ADCY3: variants seen among roughly 807,000 people sequenced by gnomAD.
ADCY3 encodes adenylate cyclase 3.
Under a neutral mutation model 119.4 loss-of-function variants are expected in ADCY3, and 70 were observed. The observed-to-expected ratio is 0.59, with a 90% confidence interval of 0.48 to 0.72. The LOEUF (loss-of-function observed/expected upper bound fraction) is 0.72, where lower values mean the gene tolerates loss of function less well. Among genes scored for constraint, ADCY3 ranks in the 30% least tolerant of loss-of-function variants. The pLI, the probability that ADCY3 is intolerant of heterozygous loss-of-function variation, is 0.00. For synonymous variants in ADCY3, 672 were observed against 621.4 expected, an observed-to-expected ratio of 1.08 and a Z score of -1.21; for missense variants, 1,238 against 1,541.6, an observed-to-expected ratio of 0.80 and a Z score of 3.30.
intron 7 of ADCY3, chr2:24,838,870 A>T (rs773522398): frequency 3.1e-6 from 5 of 1,599,222 alleles, no homozygotes; most frequent in Non-Finnish European, 8.5e-7. Context: ...TCAGTGTTGG[A>T]GCCACGACAC....
intron 6 of ADCY3, chr2:24,840,664 C>A: frequency 2.5e-6 from 1 of 392,422 alleles, no homozygotes. Context: ...CACCCCGGGT[C>A]CCGCAGAGGC....
intron 7 of ADCY3, among the ~76,000 whole-genome samples, chr2:24,839,209 T>C (rs1670702400): frequency 6.6e-6 from 1 of 152,194 alleles, no homozygotes; most frequent in South Asian, 2.1e-4. Context: ...CCCAAAGTGC[T>C]GGGATTACAG....
In ADCY3 at chr2:24,834,827, T is replaced by C. The variant is rs369693151; in HGVS notation, c.1772A>G (p.Asn591Ser). 6.8e-6 allele frequency: 11 copies of C among 1,613,952 alleles called. No homozygotes were observed. The highest frequency in any genetic ancestry group is 5.0e-5 in the Admixed American group (3 of 60,032). The part of the protein sequence containing the change: ...EDEHELNQLL[N>S]EALLERESAQ... ...GGACTCTCGCTCAAGCAGGGCCTCG[T>C]TGAGCAGCTGGTTGAGCTCGTGCTC... Residue 591 changes from asparagine to serine, a missense_variant, in exon 10 of 22, where the codon AAC becomes AGC. Physicochemically the swap from Asn to Ser is conservative, Grantham distance 46. Around this residue, in one of 7 missense-constraint regions of ADCY3, gnomAD observed 499 missense variants for 571.0 expected, o/e 0.87. Transcript: ENST00000679454. The surrounding 1 kb of genome is among the most constrained non-coding windows in gnomAD (Gnocchi z 4.2).
rs561698610 is a variant in ADCY3 at position 24,876,703 on chromosome 2, C to T, written c.676-3984G>A. Reference sequence around the variant, plus strand: ...GATGCTGGGTAAGCAGGGCAGCTGCCGTTCCTCTAAAATGCATCCATCAGG... The same window carrying T: ...GATGCTGGGTAAGCAGGGCAGCTGCTGTTCCTCTAAAATGCATCCATCAGG... On this transcript the variant is annotated intron_variant, in intron 2 of 21. Transcript: ENST00000679454. Among the ~76,000 whole-genome samples the T allele has an allele frequency of 5.9e-5, 9 of 152,250 alleles. No individual in the cohort carries two copies. In the South Asian group the frequency reaches 1.7e-3, roughly 28 times the overall value.
chr2:24,834,305 G>A lies in ADCY3; in HGVS notation c.1967+180C>T, dbSNP rs980898399. Among the ~76,000 whole-genome samples, 1 of 152,222 alleles carries A rather than the reference G, an allele frequency of 6.6e-6. No homozygotes were observed. Among genetic ancestry groups the A allele is most frequent in the African/African-American group, 2.4e-5 (1 of 41,464 alleles). ...CAAAACGCGGGGCAGGGAAAAGGAA[G>A]GATGCCCAGGGTGCCGTCTAGCACT... On this transcript the variant is annotated intron_variant, in intron 11 of 21. Transcript: ENST00000679454. This position sits in a 1 kb window ranked among gnomAD's most constrained non-coding sequence, Gnocchi z 4.2.
At position 24,828,180 on chromosome 2, in the gene ADCY3, G is replaced by C. The variant is rs755565638; in HGVS notation, c.2173-19C>G. 1 of 1,611,104 alleles carries C rather than the reference G, an allele frequency of 6.2e-7. No homozygotes were observed. The highest frequency in any genetic ancestry group is 8.5e-7 in the Non-Finnish European group (1 of 1,178,684). On this transcript the variant is annotated intron_variant, in intron 13 of 21. Transcript: ENST00000679454. ...AGCTGAGCTGGAGGCCAGGACGGCG[G>C]GCAGGGACACACGTTCAAGAGAACA...
chr2:24,859,299 A>T (rs1303973930), intron 3 of ADCY3, among the ~76,000 whole-genome samples: 2 of 152,208 alleles, frequency 1.3e-5, no homozygotes, highest in African/African-American at 4.8e-5. Flanking sequence ...CTATGGATCC[A>T]CAGGCAGAGG....
At chr2:24,821,419 C>G in intron 20 of ADCY3, 98 bp downstream of exon 20, 1 of 1,520,146 alleles carries the variant, frequency 6.6e-7, no homozygotes, top group South Asian at 1.2e-5. Context: ...ACCCGAATTG[C>G]CTCAGTTGTC....
In ADCY3 at chr2:24,838,497, G is replaced by T. The variant is rs1360570848; in HGVS notation, c.1481C>A (p.Ala494Asp). 1 of 1,613,910 alleles carries T rather than the reference G, an allele frequency of 6.2e-7. No individual in the cohort carries two copies. ...TGTTTTCTTCACCTCTGGCTTGGAG[G>T]CAATGATGAGGTAGGTTTCAATACC... ...EKGIETYLII[A>D]SKPEVKKTAT... Residue 494 changes from alanine to aspartate, a missense_variant, in exon 8 of 22, where the codon GCC (alanine) becomes GAC (aspartate). Transcript: ENST00000679454.
At chr2:24,822,245 C>T in intron 19 of ADCY3, 1 of 334,568 alleles carries the variant, frequency 3.0e-6, no homozygotes, top group Non-Finnish European at 5.5e-6. Flanking sequence ...CCTATGAAAG[C>T]ACAGAGCCTT....
intron 7 of ADCY3, among the ~76,000 whole-genome samples, chr2:24,839,275 C>A (rs1250082824): frequency 2.6e-5 from 4 of 152,154 alleles, no homozygotes; most frequent in Non-Finnish European, 5.9e-5. Flanking sequence ...AGTTGCAACC[C>A]CTGCTGCCAA....
In ADCY3 at chr2:24,881,925, C is replaced by T. The variant is rs112725053; in HGVS notation, c.676-9206G>A. Among the ~76,000 whole-genome samples, 125 of 152,324 alleles carry T rather than the reference C, an allele frequency of 8.2e-4. 2 individuals are homozygous for T. The highest frequency in any genetic ancestry group is 3.4e-3 in the Middle Eastern group (1 of 294). On this transcript the variant is annotated intron_variant, in intron 2 of 21. Transcript: ENST00000679454. ...CCTACACTGCACAGGGCAGCCCCCA[C>T]CACAAAGAACCATCCAGCCCCAAAT...
In ADCY3 at chr2:24,842,484, GAGC is replaced by G. The variant is rs1206974620; in HGVS notation, c.826-103_826-101del. ...ATGCCCCGATCCTGGCAAGAAACGTGAGCAGGGAACCATGCTGCCCTCCAGAGA... is the reference window on the plus strand; with the variant it reads ...ATGCCCCGATCCTGGCAAGAAACGTGAGGGAACCATGCTGCCCTCCAGAGA... On this transcript the variant is annotated intron_variant, in intron 3 of 21. Coordinates refer to ENST00000679454, the MANE Select transcript of ADCY3 (RefSeq NM_004036.5). This position sits in a 1 kb window ranked among gnomAD's most constrained non-coding sequence, Gnocchi z 4.9. 1.4e-6 allele frequency: 2 copies of G among 1,477,776 alleles called. No individual in the cohort carries two copies. The highest frequency in any genetic ancestry group is 2.8e-5 in the African/African-American group (2 of 72,352). 91.5% of individuals were successfully genotyped at this position (1,477,776 alleles called of 1,614,324 possible).
At chr2:24,867,407 T>C (rs756622644) in intron 3 of ADCY3, among the ~76,000 whole-genome samples, 28 of 152,220 alleles carry the variant, frequency 1.8e-4, no homozygotes, top group Middle Eastern at 3.2e-3. Context: ...GATCAGGCCA[T>C]GAGGGTTAAG....
At chr2:24,881,209 A>G (rs1440787087) in intron 2 of ADCY3, among the ~76,000 whole-genome samples, 1 of 152,090 alleles carries the variant, frequency 6.6e-6, no homozygotes, top group Non-Finnish European at 1.5e-5. Flanking sequence ...CAATAAACTG[A>G]TACAGCAGAA....
In ADCY3 at chr2:24,920,024, G is replaced by C. The variant is rs1253755694; in HGVS notation, c.-539C>G. Among the ~76,000 whole-genome samples, 1 of 147,132 alleles carries C rather than the reference G, an allele frequency of 6.8e-6. No individual in the cohort carries two copies. Among genetic ancestry groups the C allele is most frequent in the Non-Finnish European group, 1.5e-5 (1 of 66,086 alleles). On this transcript the variant is annotated 5_prime_UTR_variant, in exon 1 of 22. Transcript: ENST00000679454. This position sits in a 1 kb window ranked among gnomAD's most constrained non-coding sequence, Gnocchi z 4.5. ...CCGGCAGGCGCGGGCGGCGGCGAGC[G>C]CGGCTCTCCGGACCCCTCCCCTGCA...
chr2:24,897,310 T>G (rs980419114), intron 2 of ADCY3, among the ~76,000 whole-genome samples: 21 of 151,384 alleles, frequency 1.4e-4, no homozygotes, highest in African/African-American at 5.1e-4. Flanking sequence ...TCTCTCTCCC[T>G]CTCTCTTTCT....
chr2:24,861,046 T>C (rs1435626997), intron 3 of ADCY3, among the ~76,000 whole-genome samples: 1 of 151,184 alleles, frequency 6.6e-6, no homozygotes, highest in Non-Finnish European at 1.5e-5. Context: ...AGATCAGGAG[T>C]TTGAGACCAG....
intron 2 of ADCY3, among the ~76,000 whole-genome samples, chr2:24,903,375 A>C (rs1336293207): frequency 6.6e-6 from 1 of 151,864 alleles, no homozygotes; most frequent in Non-Finnish European, 1.5e-5. Flanking sequence ...AACCACTTCC[A>C]CAACCGTCTG....
Sources: gnomAD v4.1 joint callset for allele counts (sites outside exome capture counted in the v4.1 genomes callset) on GRCh38, gnomAD v4.1.1 for gene constraint, gnomAD v4.1.1 regional missense constraint, Gnocchi (gnomAD v3.1) non-coding constraint, MANE v1.5 for transcripts, NCBI Gene and HGNC (gene_info 2026-07-23, HGNC 2026-07-21) for gene names.